The following ROBO2 variants were observed in gnomAD, a reference collection of about 807,000 sequenced individuals.
ROBO2 encodes roundabout homolog 2.
A neutral mutation model predicts 160.8 loss-of-function variants in ROBO2; 53 were observed. That is an observed-to-expected ratio of 0.33 (90% confidence interval 0.26 to 0.41). ROBO2 has a LOEUF of 0.41. Ranked by LOEUF, ROBO2 falls within the 10% of genes least tolerant of loss-of-function variation. ROBO2 has a pLI of 1.00. For synonymous variants in ROBO2, 664 were observed against 611.7 expected (o/e 1.09, Z -1.26); for missense variants, 1,577 against 1,722.4 (o/e 0.92, Z 1.49).
At chr3:76,971,406 T>C (rs1559782938) in intron 2 of ROBO2, among the ~76,000 whole-genome samples, 1 of 152,240 alleles carries the variant, frequency 6.6e-6, no homozygotes, top group Non-Finnish European at 1.5e-5. Context: ...GCTAACCCTG[T>C]ATAAACTACT....
intron 2 of ROBO2, among the ~76,000 whole-genome samples, chr3:76,372,142 C>A (rs781395393): frequency 1.3e-5 from 2 of 151,698 alleles, no homozygotes; most frequent in Non-Finnish European, 2.9e-5. Flanking sequence ...TTGTATATTT[C>A]CCTTTTGTTA....
intron 2 of ROBO2, among the ~76,000 whole-genome samples, chr3:76,328,460 A>G (rs1156518197): frequency 6.6e-6 from 1 of 152,194 alleles, no homozygotes; most frequent in African/African-American, 2.4e-5. Flanking sequence ...ATATCATTGC[A>G]TTTTTATAAA....
intron 2 of ROBO2, among the ~76,000 whole-genome samples, chr3:76,354,876 CTAAGA>C (rs1265690177): frequency 3.3e-5 from 5 of 151,774 alleles, no homozygotes; most frequent in South Asian, 2.1e-4. Context: ...AATTACTAAA[CTAAGA>C]TGTTTCTCCA....
intron 2 of ROBO2, among the ~76,000 whole-genome samples, chr3:76,951,244 A>T (rs1420740537): frequency 6.6e-6 from 1 of 152,156 alleles, no homozygotes; most frequent in African/African-American, 2.4e-5. Flanking sequence ...TTAAGAACTA[A>T]TGTTTGCTCC....
intron 3 of ROBO2, among the ~76,000 whole-genome samples, chr3:77,478,896 G>C (rs2084355636): frequency 6.6e-6 from 1 of 152,092 alleles, no homozygotes; most frequent in Non-Finnish European, 1.5e-5. Context: ...ACCCTCTAAA[G>C]GTTTAAGTCT....
At chr3:76,793,021 G>A in intron 2 of ROBO2, among the ~76,000 whole-genome samples, 1 of 151,616 alleles carries the variant, frequency 6.6e-6, no homozygotes, top group South Asian at 2.1e-4. Context: ...ATGTATAAAG[G>A]CAATATAATA....
intron 2 of ROBO2, among the ~76,000 whole-genome samples, chr3:76,869,649 G>A (rs1057310651): frequency 8.6e-5 from 13 of 151,632 alleles, no homozygotes; most frequent in African/African-American, 3.1e-4. Flanking sequence ...GCGCCCGGCC[G>A]ATCTTTTTTT....
chr3:76,620,837 A>G (rs533317463), intron 2 of ROBO2, among the ~76,000 whole-genome samples: 2 of 152,306 alleles, frequency 1.3e-5, no homozygotes, highest in East Asian at 3.9e-4. Flanking sequence ...CAGTCAAAAT[A>G]AAATACTCTC....
Position 76,642,024 on chromosome 3 carries a change from A to G in ROBO2, c.110-455990A>G, listed in dbSNP as rs1485497994. 3.3e-5 allele frequency among the ~76,000 whole-genome samples: 5 copies of G among 152,224 alleles called. No individual in the cohort carries two copies. The East Asian group carries it at 9.7e-4, about 30-fold the overall frequency. On this transcript the variant is annotated intron_variant, in intron 2 of 26. Coordinates refer to the ROBO2 transcript ENST00000487694. ...CATGAGCCACTGCACTAGCCTGGTT[A>G]GTTAAGTTTTTAAAAGCTGACGTAG...
chr3:76,780,070 G>T (rs1338357804), intron 2 of ROBO2, among the ~76,000 whole-genome samples: 1 of 150,492 alleles, frequency 6.6e-6, no homozygotes, highest in Non-Finnish European at 1.5e-5. Context: ...ATTATCTTTG[G>T]TTTTTAATAG....
intron 2 of ROBO2, among the ~76,000 whole-genome samples, chr3:76,411,514 C>T (rs979226120): frequency 1.3e-5 from 2 of 152,012 alleles, no homozygotes; most frequent in African/African-American, 4.8e-5. Flanking sequence ...AAATTTATTT[C>T]AACTGAACCT....
chr3:77,614,937 C>A (rs1405345499), intron 21 of ROBO2, among the ~76,000 whole-genome samples: 2 of 152,096 alleles, frequency 1.3e-5, no homozygotes, highest in African/African-American at 2.4e-5. Context: ...TATTTGAACT[C>A]TTCAAATTCC....
At chr3:77,472,764 T>C (rs1357416852) in intron 2 of ROBO2, among the ~76,000 whole-genome samples, 1 of 152,126 alleles carries the variant, frequency 6.6e-6, no homozygotes, top group Admixed American at 6.5e-5. Flanking sequence ...CAATCGTATA[T>C]ATTATATATT....
At chr3:77,136,003 C>T (rs1300737619) in intron 2 of ROBO2, among the ~76,000 whole-genome samples, 1 of 152,126 alleles carries the variant, frequency 6.6e-6, no homozygotes, top group Non-Finnish European at 1.5e-5. Flanking sequence ...AGATTATTGA[C>T]TGGGTATCTG....
At chr3:76,418,642 T>A (rs2075859331) in intron 2 of ROBO2, among the ~76,000 whole-genome samples, 1 of 150,598 alleles carries the variant, frequency 6.6e-6, no homozygotes, top group African/African-American at 2.4e-5. Flanking sequence ...CAGAGCTATT[T>A]GCTCAAATAA....
chr3:76,073,267 CTTTTTTTTTTTTTTTTTTTTTTTTTT>C (rs869307615), intron 2 of ROBO2, among the ~76,000 whole-genome samples: 8 of 57,368 alleles, frequency 1.4e-4, no homozygotes, highest in East Asian at 5.5e-4. Context: ...AATGAGTATT[CTTTTTTTTTTTTTTTTTTTTTTTTTT>C]TTTTTTTTTT....
chr3:76,046,626 T>C (rs981336416), intron 2 of ROBO2, among the ~76,000 whole-genome samples: 3 of 151,864 alleles, frequency 2.0e-5, no homozygotes, highest in Non-Finnish European at 4.4e-5. Flanking sequence ...CCAGCCTGGG[T>C]GACAGAGCCA....
At chr3:77,154,161 TAATC>T (rs369811868) in intron 2 of ROBO2, among the ~76,000 whole-genome samples, 3 of 152,060 alleles carry the variant, frequency 2.0e-5, no homozygotes, top group African/African-American at 7.2e-5. Flanking sequence ...ACACTAATAA[TAATC>T]CCCTAATGCA....
Position 77,518,612 on chromosome 3 carries a change from G to T in ROBO2, c.807-4163G>T, listed in dbSNP as rs144533629. Among the ~76,000 whole-genome samples the T allele has an allele frequency of 3.0e-3, 450 of 151,558 alleles. 2 individuals are homozygous for T. Among genetic ancestry groups the T allele is most frequent in the African/African-American group, 0.01 (422 of 41,448 alleles). ...GGAGGTAGCTCTGATCTACCCTAAT[G>T]TGGAGACATCATTTCACTAGGCTCT... On this transcript the variant is annotated intron_variant, in intron 5 of 25. Coordinates refer to ENST00000461745, the Ensembl canonical transcript of ROBO2.
Sources: allele counts gnomAD v4.1 joint callset (sites outside exome capture counted in the v4.1 genomes callset), GRCh38; gene constraint gnomAD v4.1.1; transcripts MANE v1.5; gene names NCBI Gene and HGNC (gene_info 2026-07-23, HGNC 2026-07-21).